The following EML1 variants were observed in gnomAD, a reference collection of about 807,000 sequenced individuals.
EML1 encodes echinoderm microtubule-associated protein-like 1.
A neutral mutation model predicts 110.4 loss-of-function variants in EML1; 27 were observed. The ratio of observed to expected loss-of-function variants is 0.24; its 90% CI spans 0.18 to 0.34. The LOEUF (loss-of-function observed/expected upper bound fraction) is 0.34. EML1 is among the 10% of genes least tolerant of loss of function. The pLI, the probability that EML1 is intolerant of heterozygous loss-of-function variation, is 1.00. For missense variants in EML1, 741 were observed against 1,030.9 expected (o/e 0.72, Z 3.85); for synonymous variants, 344 against 385.8 (o/e 0.89, Z 1.27).
upstream of EML1, chr14:99,793,400 T>A: frequency 3.0e-6 from 3 of 1,002,022 alleles, no homozygotes; most frequent in Non-Finnish European, 3.6e-6. Context: ...CCGGTCGCGG[T>A]CGGGCTCAGC....
chr14:99,847,579 A>G (rs1294885118), intron 1 of EML1, among the ~76,000 whole-genome samples: 1 of 151,990 alleles, frequency 6.6e-6, no homozygotes, highest in Non-Finnish European at 1.5e-5. Flanking sequence ...TTATTTTTTT[A>G]TTAGTTGTTC....
chr14:99,911,352 A>G (rs770301359), intron 12 of EML1, 70 bp from the exon 13 acceptor site: 141 of 1,513,014 alleles, frequency 9.3e-5, no homozygotes, highest in Non-Finnish European at 1.2e-4. Flanking sequence ...CCTAAGTCAG[A>G]TGAGATTAGA....
At chr14:99,790,072 T>C (rs1391550080), upstream of EML1, among the ~76,000 whole-genome samples, 1 of 152,178 alleles carries the variant, frequency 6.6e-6, no homozygotes, top group African/African-American at 2.4e-5. Context: ...TTTACCACTG[T>C]GGGAAAAACA....
At chr14:99,902,599 A>T (rs1247571964) in intron 9 of EML1, among the ~76,000 whole-genome samples, 3 of 152,248 alleles carry the variant, frequency 2.0e-5, no homozygotes, top group African/African-American at 7.2e-5. Flanking sequence ...ACTTGGCTTG[A>T]TTATTTGTAT....
intron 1 of EML1, among the ~76,000 whole-genome samples, chr14:99,757,974 A>G (rs1443791013): frequency 6.6e-6 from 1 of 152,220 alleles, no homozygotes; most frequent in Non-Finnish European, 1.5e-5. Context: ...TAATCTATGC[A>G]CTAAGATTCC....
chr14:99,841,661 G>A (rs966840785), intron 1 of EML1, among the ~76,000 whole-genome samples: 1 of 152,174 alleles, frequency 6.6e-6, no homozygotes, highest in Admixed American at 6.5e-5. Flanking sequence ...AAGGGTTGTT[G>A]GCAGAGGCTG....
At chr14:99,808,924 T>G (rs1268506022) in intron 1 of EML1, among the ~76,000 whole-genome samples, 1 of 152,212 alleles carries the variant, frequency 6.6e-6, no homozygotes, top group East Asian at 1.9e-4. Context: ...CTTTATCATA[T>G]TTATCTTACA....
At chr14:99,890,312 T>C (rs1005424379) in intron 4 of EML1, among the ~76,000 whole-genome samples, 2 of 152,322 alleles carry the variant, frequency 1.3e-5, no homozygotes, top group African/African-American at 2.4e-5. Flanking sequence ...GCATGAACTT[T>C]GGAGTCAAAG....
At chr14:99,787,752 T>G (rs2057616731) in intron 1 of EML1, among the ~76,000 whole-genome samples, 2 of 152,146 alleles carry the variant, frequency 1.3e-5, no homozygotes, top group South Asian at 4.1e-4. Flanking sequence ...CTCCTTGGCT[T>G]GCAGGTGGCC....
At chr14:99,753,878 C>T (rs576663200) in intron 1 of EML1, among the ~76,000 whole-genome samples, 6 of 152,310 alleles carry the variant, frequency 3.9e-5, no homozygotes, top group South Asian at 4.1e-4. Flanking sequence ...CCCCAGTGTA[C>T]GGACCAGGAG....
chr14:99,914,713 A>G lies in EML1; in HGVS notation c.1752+16A>G, dbSNP rs77156350. ...AATAATAGAGGTAAACATGCACATTACATTTCCATTTTTCTTACAGAAATT... is the reference window on the plus strand; with the variant it reads ...AATAATAGAGGTAAACATGCACATTGCATTTCCATTTTTCTTACAGAAATT... On this transcript the variant is annotated intron_variant, in intron 15 of 21. Coordinates refer to ENST00000262233, the MANE Select transcript of EML1 (RefSeq NM_004434.3). 1.5e-3 allele frequency: 2,459 copies of G among 1,592,622 alleles called. 28 individuals are homozygous for G. In the African/African-American group the frequency reaches 0.029, roughly 19 times the overall value.
At chr14:99,911,759 G>A (rs950170416) in intron 13 of EML1, among the ~76,000 whole-genome samples, 183 bp downstream of exon 13, 4 of 151,768 alleles carry the variant, frequency 2.6e-5, no homozygotes, top group African/African-American at 9.7e-5. Flanking sequence ...AATAGAATTA[G>A]GTTTATAAAA....
chr14:99,928,240 T>G (rs1219717606), intron 17 of EML1, among the ~76,000 whole-genome samples: 2 of 125,934 alleles, frequency 1.6e-5, no homozygotes, highest in African/African-American at 3.0e-5. Context: ...GTGGTGGTGG[T>G]GGTGGTGGGT....
chr14:99,928,497 G>A (rs1444882837), intron 17 of EML1, among the ~76,000 whole-genome samples: 1 of 152,040 alleles, frequency 6.6e-6, no homozygotes, highest in South Asian at 2.1e-4. Context: ...CAATATGGGT[G>A]TTAGGAGTGC....
At chr14:99,739,373 AC>A (rs1198832790) in intron 1 of EML1, among the ~76,000 whole-genome samples, 1 of 152,126 alleles carries the variant, frequency 6.6e-6, no homozygotes, top group Non-Finnish European at 1.5e-5. Flanking sequence ...TTGTAAAGCC[AC>A]CCGCATGGAG....
chr14:99,756,712 A>T (rs1566851258), intron 1 of EML1, among the ~76,000 whole-genome samples: 1 of 152,044 alleles, frequency 6.6e-6, no homozygotes, highest in African/African-American at 2.4e-5. Context: ...CACCTTCCCG[A>T]GCCCCCACAC....
At chr14:99,769,010 G>A (rs537600653), upstream of EML1, among the ~76,000 whole-genome samples, 1 of 152,208 alleles carries the variant, frequency 6.6e-6, no homozygotes, top group African/African-American at 2.4e-5. Context: ...AAGCCACCAC[G>A]CCTGGCCTGC....
At chr14:99,877,714 T>C (rs1356951133) in intron 3 of EML1, among the ~76,000 whole-genome samples, 3 of 152,224 alleles carry the variant, frequency 2.0e-5, no homozygotes, top group Non-Finnish European at 4.4e-5. Context: ...GTCCCACGCC[T>C]GCCTTTAGGC....
At chr14:99,745,996 C>A (rs868804994) in intron 1 of EML1, among the ~76,000 whole-genome samples, 1 of 152,340 alleles carries the variant, frequency 6.6e-6, no homozygotes, top group Non-Finnish European at 1.5e-5. Context: ...GGTTAATAGA[C>A]TGAGGTTACT....
Sources: gnomAD v4.1 joint callset for allele counts (sites outside exome capture counted in the v4.1 genomes callset) on GRCh38, gnomAD v4.1.1 for gene constraint, MANE v1.5 for transcripts, NCBI Gene and HGNC (gene_info 2026-07-23, HGNC 2026-07-21) for gene names.